ARHGEF18: variants seen among roughly 807,000 people sequenced by gnomAD.
ARHGEF18 encodes the protein rho guanine nucleotide exchange factor 18.
Under a neutral mutation model 155.7 loss-of-function variants are expected in ARHGEF18, and 93 were observed. The observed-to-expected ratio is 0.60, with a 90% CI of 0.50 to 0.71. The LOEUF is 0.71. ARHGEF18 is among the 30% of genes least tolerant of loss of function. The pLI is 0.00. For missense variants in ARHGEF18, 1,593 were observed against 1,816.1 expected (o/e 0.88, Z 2.23); for synonymous variants, 742 against 753.1 (o/e 0.99, Z 0.24).
At position 7,451,282 on chromosome 19, in the gene ARHGEF18, ACTGCCCCGCCCGCCCGTG is replaced by A. The variant is rs1419903273; in HGVS notation, c.1855+21_1855+38del. 6.2e-7 allele frequency: 1 copy of A among 1,609,280 alleles called. No homozygotes were observed. The highest frequency in any genetic ancestry group is 8.5e-7 in the Non-Finnish European group (1 of 1,177,120). On this transcript the variant is annotated intron_variant, in intron 16 of 28. Coordinates refer to ENST00000668164, the MANE Select transcript of ARHGEF18 (RefSeq NM_001367823.1). ...AACACGGAAGGTAGGCCTTCTCCCC[ACTGCCCCGCCCGCCCGTG>A]CTGCTGCAGCACAGGGCTCTCTCCG...
At chr19:7,436,384 C>T (rs1157977242) in intron 10 of ARHGEF18, among the ~76,000 whole-genome samples, 2 of 152,036 alleles carry the variant, frequency 1.3e-5, no homozygotes, top group Non-Finnish European at 2.9e-5. Context: ...TCCAGCAATT[C>T]TCCTGCCTCA....
chr19:7,475,352 G>A (rs1977204861), downstream of ARHGEF18, among the ~76,000 whole-genome samples: 1 of 152,070 alleles, frequency 6.6e-6, no homozygotes, highest in Admixed American at 6.5e-5. Flanking sequence ...CAAGCCTGGG[G>A]GCTGCGGGTG....
At chr19:7,428,428 C>A (rs1463471027) in intron 10 of ARHGEF18, among the ~76,000 whole-genome samples, 2 of 152,128 alleles carry the variant, frequency 1.3e-5, no homozygotes, top group African/African-American at 4.8e-5. Flanking sequence ...TGGACTCTCA[C>A]TTCTCTCAAG....
chr19:7,448,642 C>T (rs558454604), intron 15 of ARHGEF18, among the ~76,000 whole-genome samples: 21 of 150,134 alleles, frequency 1.4e-4, no homozygotes, highest in Admixed American at 6.7e-4. Context: ...GCCTGGGCAA[C>T]AAGAGCGAAA....
chr19:7,387,560 A>G (rs1971154745), intron 10 of ARHGEF18, among the ~76,000 whole-genome samples: 1 of 152,172 alleles, frequency 6.6e-6, no homozygotes, highest in Admixed American at 6.5e-5. Flanking sequence ...TTGGTGACAC[A>G]CAACCATTCT....
chr19:7,433,163 T>C (rs1307186347), intron 10 of ARHGEF18, among the ~76,000 whole-genome samples: 1 of 126,138 alleles, frequency 7.9e-6, no homozygotes, highest in African/African-American at 2.9e-5. Flanking sequence ...TGTGTCTCTC[T>C]TTAAAAAAAA....
rs1212789493 is a variant in ARHGEF18, at chr19:7,372,985, T to C, written c.189T>C (p.Ser63=). The C allele has an allele frequency of 8.1e-7, 1 of 1,234,458 alleles. No individual in the cohort carries two copies. The highest frequency in any genetic ancestry group is 1.5e-5 in the African/African-American group (1 of 64,610). The allele number at this position is 1,234,458 out of a possible 1,614,324, so 76.5% of individuals were successfully genotyped here. A position where few individuals can be genotyped will look rare whatever the true frequency, so the allele number is the denominator to read the frequency against. ...RPTGEEPGRD[S]LFSSLAGSQD... is the part of the protein sequence containing the mutation. ...CCGGTGAAGAACCAGGAAGAGATTC[T>C]CTTTTCTCCAGCTTGGCAGGGTCCC... is the stretch of plus-strand genomic sequence containing the variant. Residue 63 remains serine (S), a synonymous_variant, in exon 3 of 29, where the codon TCT becomes TCC. Coordinates refer to ENST00000668164, the MANE Select transcript of ARHGEF18 (RefSeq NM_001367823.1).
intron 10 of ARHGEF18, among the ~76,000 whole-genome samples, chr19:7,394,474 G>A (rs1235024596): frequency 6.6e-6 from 1 of 151,906 alleles, no homozygotes; most frequent in African/African-American, 2.4e-5. Context: ...GAGCCCGTAG[G>A]AGCCCACTGA....
In ARHGEF18 at chr19:7,372,806, C is replaced by T. The variant is rs74176234; in HGVS notation, c.16-6C>T. On this transcript the variant is annotated splice_region_variant and splice_polypyrimidine_tract_variant and intron_variant, in intron 2 of 28. Transcript: ENST00000668164. ...TCTTCTCCCTCCTCACCTTCCCAACCTACAGGAGGATGATTTTCCCAGGCG... is the reference window on the plus strand; with the variant it reads ...TCTTCTCCCTCCTCACCTTCCCAACTTACAGGAGGATGATTTTCCCAGGCG... The T allele has an allele frequency of 1.5e-4, 186 of 1,234,524 alleles. 1 individual carries two copies. In the East Asian group the frequency reaches 5.8e-3, roughly 39 times the overall value. The allele number at this position is 1,234,524 out of a possible 1,614,324, so 76.5% of individuals were successfully genotyped here.
chr19:7,373,109 C>G, intron 3 of ARHGEF18, 38 bp downstream of exon 3: 2 of 1,234,232 alleles, frequency 1.6e-6, no homozygotes, highest in Non-Finnish European at 2.0e-6. Context: ...CACAATGCAC[C>G]CCTGGGACAG....
In ARHGEF18 at chr19:7,437,200, G is replaced by A. The variant is rs550155152; in HGVS notation, c.968-3144G>A. Among the ~76,000 whole-genome samples, 52 of 152,166 alleles carry A rather than the reference G, an allele frequency of 3.4e-4. 1 individual carries two copies. In the Middle Eastern group the frequency reaches 0.014, roughly 40 times the overall value. ...TCCCAGCACTTAGGGAGGCCGAGGT[G>A]GGTGGATCACCTGAAGTTGGGAGTT... On this transcript the variant is annotated intron_variant, in intron 10 of 28. Transcript: ENST00000668164.
chr19:7,418,828 C>T (rs1973160202), intron 10 of ARHGEF18, among the ~76,000 whole-genome samples: 1 of 152,008 alleles, frequency 6.6e-6, no homozygotes, highest in East Asian at 1.9e-4. Context: ...CACTCATTGA[C>T]GGCTCTTTTG....
rs150061737 is a variant in ARHGEF18 at position 7,444,362 on chromosome 19, G to T, written c.1519G>T (p.Ala507Ser). 2 of 1,613,438 alleles carry T rather than the reference G, an allele frequency of 1.2e-6. No homozygotes were observed. Among genetic ancestry groups the T allele is most frequent in the Non-Finnish European group, 1.7e-6 (2 of 1,180,024 alleles). The change falls in exon 14 of 29, where the codon GCT becomes TCT. Residue 507 changes from alanine to serine, a missense_variant. Physicochemically the swap from Ala to Ser is moderately conservative, Grantham distance 99. Transcript: ENST00000668164. The surrounding 1 kb of genome is among the most constrained non-coding windows in gnomAD (Gnocchi z 4.7). ...GCTGGAGACGCACAGCCACTTCCTC[G>T]CTCGGCTCAAGGAGCGCCGCCAGGA... ...DLLETHSHFL[A>S]RLKERRQESL... is the part of the protein sequence containing the mutation.
intron 1 of ARHGEF18, among the ~76,000 whole-genome samples, chr19:7,351,655 TC>T (rs1389456215): frequency 1.3e-5 from 2 of 149,358 alleles, no homozygotes; most frequent in Non-Finnish European, 3.0e-5. Context: ...CATCCAGCCA[TC>T]CCTGTATCAT....
chr19:7,476,917 C>T (rs796964821), downstream of ARHGEF18: 4 of 386,380 alleles, frequency 1.0e-5, no homozygotes, highest in South Asian at 4.4e-4. Context: ...CCAGCTTTCT[C>T]AAGGCACGAC....
At chr19:7,443,149 C>T (rs1196749215) in intron 13 of ARHGEF18, among the ~76,000 whole-genome samples, 4 of 149,602 alleles carry the variant, frequency 2.7e-5, no homozygotes, top group African/African-American at 7.4e-5. Context: ...CTCCACCTCC[C>T]GGGTTCAAGC....
At chr19:7,366,932 GT>G (rs1323143742) in intron 2 of ARHGEF18, among the ~76,000 whole-genome samples, 66 of 143,056 alleles carry the variant, frequency 4.6e-4, no homozygotes, top group Admixed American at 4.2e-4. Flanking sequence ...CCGGCTAGTT[GT>G]TTTTTTTTTT....
intron 10 of ARHGEF18, among the ~76,000 whole-genome samples, chr19:7,412,274 C>G (rs1972731967): frequency 6.6e-6 from 1 of 151,610 alleles, no homozygotes; most frequent in African/African-American, 2.4e-5. Flanking sequence ...CTCGGCCTCC[C>G]AAAGTGCTGG....
At chr19:7,478,447 C>G in the ARHGEF18 span, 179 of 1,487,070 alleles carry the variant, frequency 1.2e-4, no homozygotes, top group Non-Finnish European at 1.5e-4. Context: ...ACGCTGGCCC[C>G]GGACATACAG....
Sources: gnomAD v4.1 joint callset for allele counts (sites outside exome capture counted in the v4.1 genomes callset) on GRCh38, gnomAD v4.1.1 for gene constraint, Gnocchi (gnomAD v3.1) non-coding constraint, MANE v1.5 for transcripts, NCBI Gene and HGNC (gene_info 2026-07-23, HGNC 2026-07-21) for gene names.